Variants in LPAR1 observed in about 807,000 individuals in gnomAD.
LPAR1 encodes lysophosphatidic acid receptor 1, also known as LPA receptor 1.
Under a neutral mutation model 23.8 loss-of-function variants are expected in LPAR1, and 5 were observed. The observed-to-expected ratio is 0.21, with a 90% CI of 0.11 to 0.44. LPAR1 has a LOEUF of 0.44. LPAR1 is among the 20% of genes least tolerant of loss of function. The pLI is 0.99. For missense variants in LPAR1, 311 were observed against 482.8 expected, an observed-to-expected ratio of 0.64 and a Z score of 3.33; for synonymous variants, 160 against 164.7, an observed-to-expected ratio of 0.97 and a Z score of 0.22.
chr9:110,964,200 T>C (rs2096110880), intron 4 of LPAR1, among the ~76,000 whole-genome samples: 2 of 152,136 alleles, frequency 1.3e-5, no homozygotes, highest in Non-Finnish European at 2.9e-5. Flanking sequence ...ACTTAGAAAA[T>C]AAAGAGAGGA....
intron 2 of LPAR1, among the ~76,000 whole-genome samples, chr9:111,017,980 C>T (rs2097488478): frequency 6.6e-6 from 1 of 152,044 alleles, no homozygotes; most frequent in African/African-American, 2.4e-5. Context: ...GATGGCGCCA[C>T]TGCACTCCAA....
At chr9:111,032,933 G>A (rs2141653812) in intron 2 of LPAR1, among the ~76,000 whole-genome samples, 1 of 152,236 alleles carries the variant, frequency 6.6e-6, no homozygotes, top group East Asian at 1.9e-4. Flanking sequence ...AAAAATGCTG[G>A]TTTTGAAAAC....
intron 2 of LPAR1, among the ~76,000 whole-genome samples, chr9:111,020,189 G>A (rs1394538530): frequency 6.6e-6 from 1 of 152,158 alleles, no homozygotes; most frequent in African/African-American, 2.4e-5. Context: ...ATATTAGGGA[G>A]AAAATCCAGT....
At chr9:111,035,671 C>A (rs184264294) in intron 2 of LPAR1, among the ~76,000 whole-genome samples, 1 of 152,272 alleles carries the variant, frequency 6.6e-6, no homozygotes, top group Non-Finnish European at 1.5e-5. Flanking sequence ...TCAGCTTTTA[C>A]AATAAATAAT....
At chr9:111,021,323 A>C (rs1403538179) in intron 2 of LPAR1, among the ~76,000 whole-genome samples, 1 of 152,190 alleles carries the variant, frequency 6.6e-6, no homozygotes, top group African/African-American at 2.4e-5. Flanking sequence ...TAAAGCTAGG[A>C]GGAAAAAGAA....
intron 2 of LPAR1, among the ~76,000 whole-genome samples, chr9:110,985,569 G>GTATTTTA (rs2096763472): frequency 6.6e-6 from 1 of 152,018 alleles, no homozygotes; most frequent in African/African-American, 2.4e-5. Context: ...GATGGGCCAG[G>GTATTTTA]TCAGGTATTC....
intron 2 of LPAR1, among the ~76,000 whole-genome samples, chr9:110,997,349 T>C (rs756134102): frequency 2.0e-5 from 3 of 152,172 alleles, no homozygotes; most frequent in Non-Finnish European, 2.9e-5. Context: ...CAAAACTGAG[T>C]GCAAAATTTT....
intron 2 of LPAR1, among the ~76,000 whole-genome samples, chr9:110,983,782 A>G (rs2139163219): frequency 6.6e-6 from 1 of 152,142 alleles, no homozygotes; most frequent in South Asian, 2.1e-4. Context: ...TCAAATGGGG[A>G]AAATAAATCA....
intron 2 of LPAR1, chr9:110,999,330 C>T (rs1229151476): frequency 2.2e-6 from 1 of 452,138 alleles, no homozygotes; most frequent in Non-Finnish European, 4.4e-6. Context: ...CCAACGAATG[C>T]TTTAATTGCT....
At chr9:111,030,927 T>C (rs962686114) in intron 2 of LPAR1, among the ~76,000 whole-genome samples, 2 of 152,066 alleles carry the variant, frequency 1.3e-5, no homozygotes, top group Non-Finnish European at 2.9e-5. Flanking sequence ...CAAACATACA[T>C]ATGAGTATGT....
At chr9:110,887,975 A>C (rs1218807965) in intron 5 of LPAR1, among the ~76,000 whole-genome samples, 1 of 152,212 alleles carries the variant, frequency 6.6e-6, no homozygotes, top group Non-Finnish European at 1.5e-5. Context: ...AGAGAAGTAA[A>C]ATAAGGTACA....
intron 4 of LPAR1, among the ~76,000 whole-genome samples, chr9:110,959,624 C>CAAACAAAAAAATAAACAAAAAAAT (rs1388313726): frequency 1.3e-5 from 2 of 151,394 alleles, no homozygotes; most frequent in African/African-American, 2.4e-5. Context: ...TCTCAAAAAA[C>CAAACAAAAAAATAAACAAAAAAAT]AAACAAAAAA....
At chr9:110,960,090 G>C (rs1250305575) in intron 4 of LPAR1, among the ~76,000 whole-genome samples, 3 of 152,156 alleles carry the variant, frequency 2.0e-5, no homozygotes, top group Non-Finnish European at 4.4e-5. Context: ...TTCGATAGCA[G>C]AGTAGGGTGG....
intron 2 of LPAR1, among the ~76,000 whole-genome samples, chr9:111,023,482 G>A (rs1427924327): frequency 6.6e-6 from 1 of 151,814 alleles, no homozygotes; most frequent in Admixed American, 6.6e-5. Context: ...TTCCCCCACA[G>A]AATTTATCAT....
intron 5 of LPAR1, among the ~76,000 whole-genome samples, chr9:110,927,178 A>G (rs919023079): frequency 1.3e-5 from 2 of 152,178 alleles, no homozygotes; most frequent in African/African-American, 4.8e-5. Flanking sequence ...TGGAATTAGA[A>G]TACAGCTAAC....
At chr9:110,986,751 A>AGCCCTGAAT (rs2096790646) in intron 2 of LPAR1, among the ~76,000 whole-genome samples, 2 of 151,190 alleles carry the variant, frequency 1.3e-5, no homozygotes, top group African/African-American at 2.5e-5. Context: ...AAAGTGATTC[A>AGCCCTGAAT]GCCCTGAATA....
chr9:110,888,415 CT>C (rs1163988558), intron 5 of LPAR1, among the ~76,000 whole-genome samples: 3 of 151,998 alleles, frequency 2.0e-5, no homozygotes, highest in African/African-American at 4.8e-5. Flanking sequence ...TTCATCAGTT[CT>C]TTTTTTCCCC....
At chr9:111,007,936 G>A (rs1400015652) in intron 2 of LPAR1, among the ~76,000 whole-genome samples, 2 of 152,286 alleles carry the variant, frequency 1.3e-5, no homozygotes, top group South Asian at 2.1e-4. Flanking sequence ...CATTTTGGGA[G>A]GCCAAGGCAG....
intron 2 of LPAR1, among the ~76,000 whole-genome samples, chr9:111,019,556 G>A (rs562217471): frequency 6.6e-6 from 1 of 152,074 alleles, no homozygotes; most frequent in African/African-American, 2.4e-5. Context: ...CAAATTAGTG[G>A]AATGTTGTAT....
Sources: allele counts gnomAD v4.1 joint callset (sites outside exome capture counted in the v4.1 genomes callset), GRCh38; gene constraint gnomAD v4.1.1; transcripts MANE v1.5; gene names NCBI Gene and HGNC (gene_info 2026-07-23, HGNC 2026-07-21).